AHRR: variants seen among roughly 807,000 people sequenced by gnomAD.
The protein encoded by AHRR is aryl hydrocarbon receptor repressor.
In AHRR, 28 loss-of-function variants were observed where a neutral mutation model predicts 44.0. The ratio of observed to expected loss-of-function variants is 0.64; its 90% CI spans 0.47 to 0.87. The LOEUF (loss-of-function observed/expected upper bound fraction) is 0.87. Among genes scored for constraint, AHRR ranks in the 40% least tolerant of loss-of-function variants. The pLI is 0.00. For synonymous variants in AHRR, 434 were observed against 407.0 expected (o/e 1.07, Z -0.80); for missense variants, 990 against 953.9 (o/e 1.04, Z -0.50).
At chr5:371,488 G>A (rs1321538255) in intron 3 of AHRR, among the ~76,000 whole-genome samples, 1 of 152,220 alleles carries the variant, frequency 6.6e-6, no homozygotes, top group Non-Finnish European at 1.5e-5. Flanking sequence ...GAGCTTGCAG[G>A]TGACAGGAAT....
At chr5:374,299 G>C (rs980489489) in intron 3 of AHRR, among the ~76,000 whole-genome samples, 7 of 152,138 alleles carry the variant, frequency 4.6e-5, no homozygotes, top group Non-Finnish European at 7.4e-5. Context: ...CAGCTGCTGG[G>C]ACACCCGGGG....
chr5:433,674 C>T (rs1451446307), intron 10 of AHRR, among the ~76,000 whole-genome samples, 179 bp from the exon 11 acceptor site: 2 of 148,962 alleles, frequency 1.3e-5, no homozygotes, highest in Admixed American at 6.7e-5. Context: ...GGGGTGCTGG[C>T]ACAGCCTCCT....
chr5:344,418 GC>G lies in AHRR; in HGVS notation c.62+455del, dbSNP rs1464735491. 4.8e-3 allele frequency among the ~76,000 whole-genome samples: 164 copies of G among 33,822 alleles called. 1 individual carries two copies. The highest frequency in any genetic ancestry group is 6.4e-3 in the South Asian group (6 of 940). The allele number at this position is 33,822 out of a possible 152,430, so 22.2% of individuals were successfully genotyped here. On this transcript the variant is annotated intron_variant, in intron 2 of 10. Transcript: ENST00000684583. ...GGTGGGGAGGGCTGCGGGGGTGTGT[GC>G]GGTATGTGTGAGGCTGTGGGGGGCT... is the stretch of plus-strand genomic sequence containing the variant.
At chr5:351,814 T>C (rs998137161) in intron 2 of AHRR, among the ~76,000 whole-genome samples, 5 of 152,242 alleles carry the variant, frequency 3.3e-5, no homozygotes, top group Non-Finnish European at 5.9e-5. Flanking sequence ...CCTAGGTTGT[T>C]AGACAGTGAG....
rs1289035940 is a variant in AHRR, at chr5:392,430, T to TGCAGGGCGAGGCAGGC, written c.351+15730_351+15745dup. On this transcript the variant is annotated intron_variant, in intron 4 of 10. Transcript: ENST00000684583. ...GCCAGAGCGTGCACGAACACACGGG[T>TGCAGGGCGAGGCAGGC]GCAGGGCGAGGCAGGCGCAGGGCGA... Among the ~76,000 whole-genome samples the TGCAGGGCGAGGCAGGC allele has an allele frequency of 3.6e-4, 32 of 89,158 alleles. No individual in the cohort carries two copies. The South Asian group carries it at 4.4e-3, about 12-fold the overall frequency. The allele number at this position is 89,158 out of a possible 152,430, so 58.5% of individuals were successfully genotyped here.
At chr5:389,243 G>A (rs963988298) in intron 4 of AHRR, among the ~76,000 whole-genome samples, 1 of 152,272 alleles carries the variant, frequency 6.6e-6, no homozygotes, top group East Asian at 1.9e-4. Flanking sequence ...AGTGAGCCGA[G>A]GCTCCAGCAG....
intron 1 of AHRR, among the ~76,000 whole-genome samples, chr5:341,204 G>A (rs1301270800): frequency 2.0e-5 from 3 of 147,442 alleles, no homozygotes; most frequent in African/African-American, 7.6e-5. Flanking sequence ...TAGTACAGAC[G>A]GGGTTTCACC....
chr5:351,297 T>C (rs767865750), intron 2 of AHRR, among the ~76,000 whole-genome samples: 3 of 152,230 alleles, frequency 2.0e-5, no homozygotes, highest in Non-Finnish European at 4.4e-5. Context: ...CAGAATCTTC[T>C]AGATGAGTGT....
chr5:398,689 C>T (rs1034379258), intron 4 of AHRR, among the ~76,000 whole-genome samples: 1 of 152,222 alleles, frequency 6.6e-6, no homozygotes, highest in African/African-American at 2.4e-5. Context: ...GCTGTTACTC[C>T]GTTTTAAGCT....
At chr5:425,991 AT>A (rs1736369603) in intron 7 of AHRR, among the ~76,000 whole-genome samples, 2 of 152,306 alleles carry the variant, frequency 1.3e-5, no homozygotes, top group South Asian at 4.1e-4. Flanking sequence ...AGTTTTTGAG[AT>A]TCGGCTGAAA....
intron 4 of AHRR, among the ~76,000 whole-genome samples, chr5:396,242 A>C (rs996610092): frequency 3.9e-5 from 6 of 152,204 alleles, no homozygotes; most frequent in Non-Finnish European, 5.9e-5. Flanking sequence ...TGGCACCCCC[A>C]TCCTCAGGGG....
chr5:433,584 TCA>T (rs1324420044), intron 10 of AHRR, among the ~76,000 whole-genome samples: 1 of 152,198 alleles, frequency 6.6e-6, no homozygotes, highest in Non-Finnish European at 1.5e-5. Context: ...GGCATAGGCC[TCA>T]CAGAGACATC....
chr5:381,505 G>GGTTTTTTT (rs1733978760), intron 4 of AHRR, among the ~76,000 whole-genome samples: 1 of 53,902 alleles, frequency 1.9e-5, no homozygotes, highest in Non-Finnish European at 4.6e-5. Flanking sequence ...GCTTAGGTTT[G>GGTTTTTTT]CTTTTTTTTT....
intron 3 of AHRR, among the ~76,000 whole-genome samples, chr5:362,827 T>A (rs1743227320): frequency 6.6e-6 from 1 of 152,256 alleles, no homozygotes; most frequent in East Asian, 1.9e-4. Context: ...CACTCATTCC[T>A]GGTGCTTGAG....
chr5:345,518 GTGT>G (rs1742633763), intron 2 of AHRR, among the ~76,000 whole-genome samples: 1 of 102,710 alleles, frequency 9.7e-6, no homozygotes, highest in Non-Finnish European at 2.4e-5. Context: ...GGGGGTGTGT[GTGT>G]CAGATGATGT....
At chr5:410,223 CAG>C (rs1461187711) in intron 4 of AHRR, among the ~76,000 whole-genome samples, 1 of 152,146 alleles carries the variant, frequency 6.6e-6, no homozygotes, top group African/African-American at 2.4e-5. Context: ...ATTGTAGAGA[CAG>C]AGTCTCTGTC....
intron 8 of AHRR, among the ~76,000 whole-genome samples, chr5:429,533 G>C (rs1256307453): frequency 6.6e-6 from 1 of 152,226 alleles, no homozygotes. Context: ...CTGTCGGTGA[G>C]GTGCTCCTGC....
intron 4 of AHRR, among the ~76,000 whole-genome samples, chr5:403,260 G>A (rs1735097949): frequency 1.3e-5 from 2 of 152,062 alleles, no homozygotes; most frequent in South Asian, 4.1e-4. Flanking sequence ...TGGGAGGGTG[G>A]GAATGTTCTG....
chr5:432,211 T>C, intron 8 of AHRR: 2 of 466,260 alleles, frequency 4.3e-6, no homozygotes. Flanking sequence ...CCTTCTACTT[T>C]CTGAAGCAAA....
Sources: allele counts gnomAD v4.1 joint callset (sites outside exome capture counted in the v4.1 genomes callset), GRCh38; gene constraint gnomAD v4.1.1; transcripts MANE v1.5; gene names NCBI Gene and HGNC (gene_info 2026-07-23, HGNC 2026-07-21).